The following TTLL7 variants were observed in gnomAD, a reference collection of about 807,000 sequenced individuals.
TTLL7 encodes tubulin polyglutamylase TTLL7.
A neutral mutation model predicts 120.2 loss-of-function variants in TTLL7; 53 were observed. The observed-to-expected ratio is 0.44, with a 90% CI of 0.35 to 0.55. TTLL7 has a LOEUF of 0.55. Among genes scored for constraint, TTLL7 ranks in the 20% least tolerant of loss-of-function variants. The probability of loss-of-function intolerance (pLI) is 0.00; values close to 1 mark genes in which losing one functional copy is unlikely to be tolerated. For missense variants in TTLL7, 803 were observed against 1,054.7 expected (o/e 0.76, Z 3.31); for synonymous variants, 353 against 351.7 (o/e 1.00, Z -0.04).
chr1:83,976,804 G>A (rs1031213315), intron 1 of TTLL7, among the ~76,000 whole-genome samples: 5 of 151,292 alleles, frequency 3.3e-5, no homozygotes, highest in African/African-American at 1.2e-4. Flanking sequence ...AGACATTATT[G>A]AACACTGAAA....
chr1:83,993,171 C>T (rs1218849745), intron 1 of TTLL7, among the ~76,000 whole-genome samples: 2 of 152,116 alleles, frequency 1.3e-5, no homozygotes, highest in African/African-American at 4.8e-5. Context: ...TAAGTGGAGT[C>T]ATTTCACTTA....
At chr1:83,924,314 G>A (rs1571203443) in intron 10 of TTLL7, among the ~76,000 whole-genome samples, 1 of 152,178 alleles carries the variant, frequency 6.6e-6, no homozygotes, top group South Asian at 2.1e-4. Flanking sequence ...TGTCAAACTT[G>A]AGCTAGGTTT....
At position 83,888,427 on chromosome 1, in the gene TTLL7, TA is replaced by T. The variant is rs368251299; in HGVS notation, c.2369+1893del. Among the ~76,000 whole-genome samples the T allele has an allele frequency of 5.5e-4, 82 of 150,216 alleles. No individual in the cohort carries two copies. The East Asian group carries it at 0.013, about 24-fold the overall frequency. On this transcript the variant is annotated intron_variant, in intron 19 of 20. Transcript: ENST00000260505. ...ATTCTCCCTGTTGGTTAATGGCAGCTAAAAAAAAATGGTAAAAAGACTGAGT... is the reference window on the plus strand; with the variant it reads ...ATTCTCCCTGTTGGTTAATGGCAGCTAAAAAAAATGGTAAAAAGACTGAGT...
At chr1:83,884,020 A>C (rs925305743) in intron 19 of TTLL7, among the ~76,000 whole-genome samples, 2 of 151,556 alleles carry the variant, frequency 1.3e-5, no homozygotes, top group Non-Finnish European at 2.9e-5. Context: ...GTAAACTTCA[A>C]TTTTGTGTGG....
chr1:83,942,377 C>A, intron 7 of TTLL7, 86 bp downstream of exon 7: 1 of 1,102,466 alleles, frequency 9.1e-7, no homozygotes, highest in South Asian at 1.6e-5. Flanking sequence ...AACTTTCATT[C>A]ATACAATCTA....
intron 1 of TTLL7, among the ~76,000 whole-genome samples, chr1:83,977,312 G>C (rs1331398525): frequency 6.6e-6 from 1 of 151,980 alleles, no homozygotes; most frequent in Non-Finnish European, 1.5e-5. Flanking sequence ...GAGAATTCCG[G>C]AGACCATATA....
chr1:83,911,094 T>C, intron 15 of TTLL7, 71 bp downstream of exon 15: 1 of 1,352,308 alleles, frequency 7.4e-7, no homozygotes, highest in Non-Finnish European at 1.0e-6. Flanking sequence ...CCCAAGGACC[T>C]TTTACTGAGT....
In TTLL7 at chr1:83,976,025, G is replaced by GTC. The variant is rs151019525; in HGVS notation, c.-177+22904_-177+22905dup. Among the ~76,000 whole-genome samples, 649 of 91,782 alleles carry GTC rather than the reference G, an allele frequency of 7.1e-3. 2 individuals carry two copies. The highest frequency in any genetic ancestry group is 0.023 in the South Asian group (54 of 2,302). The allele number at this position is 91,782 out of a possible 152,430, so 60.2% of individuals were successfully genotyped here. On this transcript the variant is annotated intron_variant, in intron 1 of 20. Coordinates refer to ENST00000260505, the MANE Select transcript of TTLL7 (RefSeq NM_024686.6). ...TCTAAGTACTGTGTCCTGAAATTTT[G>GTC]TCTCTCTCTGTGTGTGTGTGTGTGT...
chr1:83,954,350 G>A (rs759890109), intron 1 of TTLL7, among the ~76,000 whole-genome samples: 21 of 152,082 alleles, frequency 1.4e-4, no homozygotes, highest in African/African-American at 4.8e-4. Context: ...GCATATATGC[G>A]CTTTACTTAA....
chr1:83,921,427 A>T, intron 10 of TTLL7, 33 bp from the exon 11 acceptor site: 1 of 1,605,334 alleles, frequency 6.2e-7, no homozygotes, highest in South Asian at 1.1e-5. Flanking sequence ...ATATTCTAGA[A>T]CTCGAACAAG....
At chr1:83,954,864 CAA>C (rs200599718) in intron 1 of TTLL7, among the ~76,000 whole-genome samples, 6 of 94,500 alleles carry the variant, frequency 6.3e-5, no homozygotes, top group African/African-American at 1.5e-4. Context: ...CTATCTAGTT[CAA>C]AAAAAAAAAA....
At chr1:83,944,608 TG>T (rs1464465188) in intron 6 of TTLL7, among the ~76,000 whole-genome samples, 7 of 152,110 alleles carry the variant, frequency 4.6e-5, no homozygotes, top group African/African-American at 1.7e-4. Context: ...CTCGGGAGGC[TG>T]GGGAAGGAGA....
intron 1 of TTLL7, among the ~76,000 whole-genome samples, chr1:83,954,662 T>C (rs1157252763): frequency 6.6e-6 from 1 of 152,184 alleles, no homozygotes; most frequent in Non-Finnish European, 1.5e-5. Context: ...ACCATCAGCA[T>C]TTCTAAAGCT....
chr1:83,943,669 G>T (rs1036926545), intron 6 of TTLL7, among the ~76,000 whole-genome samples: 14 of 152,186 alleles, frequency 9.2e-5, no homozygotes, highest in Non-Finnish European at 1.6e-4. Context: ...ATTGCGTAGA[G>T]GGGGAGAGTC....
At chr1:83,954,950 A>G (rs1483047067) in intron 1 of TTLL7, among the ~76,000 whole-genome samples, 3 of 152,160 alleles carry the variant, frequency 2.0e-5, no homozygotes, top group Non-Finnish European at 2.9e-5. Context: ...TACAAAAGGA[A>G]TCAATTTTCC....
At chr1:83,947,665 C>T (rs1460103905) in intron 5 of TTLL7, 1 of 156,150 alleles carries the variant, frequency 6.4e-6, no homozygotes, top group Non-Finnish European at 1.4e-5. Context: ...GATAGGTACA[C>T]TAAAGGCATA....
At position 83,892,393 on chromosome 1, in the gene TTLL7, AATATATATGAAC is replaced by A. The variant is rs1553128932; in HGVS notation, c.2209-1924_2209-1913del. Among the ~76,000 whole-genome samples the A allele has an allele frequency of 2.1e-4, 7 of 33,004 alleles. 1 individual carries two copies. Among genetic ancestry groups the A allele is most frequent in the South Asian group, 7.2e-4 (1 of 1,390 alleles). The allele number at this position is 33,004 out of a possible 152,430, so 21.7% of individuals were successfully genotyped here. On this transcript the variant is annotated intron_variant, in intron 18 of 20. Coordinates refer to ENST00000260505, the MANE Select transcript of TTLL7 (RefSeq NM_024686.6). The stretch of plus-strand genomic sequence containing the variant: ...ACGAATATATATGAATATATATACG[AATATATATGAAC>A]ATATATATGAACATATATATGAACA...
chr1:83,869,910 G>GA lies in TTLL7; in HGVS notation c.*51dup. 2 of 1,580,332 alleles carry GA rather than the reference G, an allele frequency of 1.3e-6. No homozygotes were observed. The highest frequency in any genetic ancestry group is 1.7e-6 in the Non-Finnish European group (2 of 1,169,600). ...GTTCTTTGCATGTTCAACTTCAGAGGAAAAAAATGAATTGCTGTTATGTAT... is the reference window on the plus strand; with the variant it reads ...GTTCTTTGCATGTTCAACTTCAGAGGAAAAAAAATGAATTGCTGTTATGTAT... On this transcript the variant is annotated 3_prime_UTR_variant, in exon 21 of 21. Coordinates refer to ENST00000260505, the MANE Select transcript of TTLL7 (RefSeq NM_024686.6).
chr1:83,978,943 G>A (rs1160923828), intron 1 of TTLL7, among the ~76,000 whole-genome samples: 1 of 152,078 alleles, frequency 6.6e-6, no homozygotes, highest in African/African-American at 2.4e-5. Context: ...GTACCTAAAA[G>A]CCTGAAAAGC....
Sources: allele counts gnomAD v4.1 joint callset (sites outside exome capture counted in the v4.1 genomes callset), GRCh38; gene constraint gnomAD v4.1.1; transcripts MANE v1.5; gene names NCBI Gene and HGNC (gene_info 2026-07-23, HGNC 2026-07-21).